The following ZMIZ1 variants were observed in gnomAD, a reference collection of about 807,000 sequenced individuals.
ZMIZ1 encodes the protein zinc finger MIZ-type containing 1, also known as zinc finger MIZ domain-containing protein 1.
Under a neutral mutation model 113.9 loss-of-function variants are expected in ZMIZ1, and 17 were observed. That is an observed-to-expected ratio of 0.15 (90% confidence interval 0.10 to 0.22). The LOEUF (loss-of-function observed/expected upper bound fraction) is 0.22. ZMIZ1 is among the 10% of genes least tolerant of loss of function. The probability of loss-of-function intolerance (pLI) is 1.00; values close to 1 mark genes in which losing one functional copy is unlikely to be tolerated. For synonymous variants in ZMIZ1, 607 were observed against 603.1 expected, an observed-to-expected ratio of 1.01 and a Z score of -0.09; for missense variants, 1,059 against 1,477.8, an observed-to-expected ratio of 0.72 and a Z score of 4.65.
At chr10:79,269,677 C>T (rs911995365) in intron 7 of ZMIZ1, among the ~76,000 whole-genome samples, 1 of 152,158 alleles carries the variant, frequency 6.6e-6, no homozygotes, top group African/African-American at 2.4e-5. Flanking sequence ...CCCTGCACCC[C>T]ACTGCTGCTG....
At chr10:79,243,325 G>T (rs897175235) in intron 7 of ZMIZ1, among the ~76,000 whole-genome samples, 1 of 149,948 alleles carries the variant, frequency 6.7e-6, no homozygotes, top group African/African-American at 2.4e-5. Context: ...GCTTGCGCCC[G>T]GGCGCGCGGC....
rs138917839 is a variant in ZMIZ1 at position 79,155,714 on chromosome 10, G to A, written c.-130-6339G>A. ...GGACAGGGAGCAAGGCCTTGGAGAG[G>A]CCCCCAGGGATGTGTGCATGTGCCT... On this transcript the variant is annotated intron_variant, in intron 3 of 24. Transcript: ENST00000334512. Among the ~76,000 whole-genome samples the A allele has an allele frequency of 6.2e-4, 95 of 152,350 alleles. 2 individuals are homozygous for A. The South Asian group carries it at 0.016, about 25-fold the overall frequency.
At chr10:79,131,809 C>T (rs549879723) in intron 2 of ZMIZ1, among the ~76,000 whole-genome samples, 2 of 149,922 alleles carry the variant, frequency 1.3e-5, no homozygotes, top group African/African-American at 5.0e-5. Flanking sequence ...TCTGGTGGAA[C>T]AATCATAGTG....
At chr10:79,084,561 T>G (rs1842750433) in intron 1 of ZMIZ1, among the ~76,000 whole-genome samples, 1 of 152,184 alleles carries the variant, frequency 6.6e-6, no homozygotes, top group African/African-American at 2.4e-5. Context: ...TCGGACAGGC[T>G]CTTTCCCATC....
chr10:79,305,328 C>T, intron 20 of ZMIZ1, 97 bp downstream of exon 20: 1 of 1,437,350 alleles, frequency 7.0e-7, no homozygotes, highest in Admixed American at 1.7e-5. Context: ...TAAATGCAAA[C>T]CAGAACCCAA....
At chr10:79,134,730 T>A (rs1844921903) in intron 2 of ZMIZ1, among the ~76,000 whole-genome samples, 1 of 152,070 alleles carries the variant, frequency 6.6e-6, no homozygotes, top group South Asian at 2.1e-4. Flanking sequence ...AGGAAAAAAA[T>A]ATAATTAATA....
rs1020547185 is a variant in ZMIZ1, at chr10:79,290,783, C to T, written c.541-176C>T. Reference sequence around the variant, plus strand: ...TCCCCCACGCCACCTGCCGCCCAGGCCCGCTCCTTATCACCGGTACACTCA... The same window carrying T: ...TCCCCCACGCCACCTGCCGCCCAGGTCCGCTCCTTATCACCGGTACACTCA... On this transcript the variant is annotated intron_variant, in intron 9 of 24. Coordinates refer to ENST00000334512, the MANE Select transcript of ZMIZ1 (RefSeq NM_020338.4). The T allele has an allele frequency of 1.4e-5, 11 of 776,688 alleles. No individual in the cohort carries two copies. The Middle Eastern group carries it at 8.8e-4, about 62-fold the overall frequency. The allele number at this position is 776,688 out of a possible 1,614,324, so 48.1% of individuals were successfully genotyped here. A position where few individuals can be genotyped will look rare whatever the true frequency, so the allele number is the denominator to read the frequency against.
intron 1 of ZMIZ1, among the ~76,000 whole-genome samples, chr10:79,074,253 C>T (rs7077121): frequency 6.6e-6 from 1 of 152,208 alleles, no homozygotes; most frequent in African/African-American, 2.4e-5. Flanking sequence ...TGCGCTGCCT[C>T]CTTTCCAGTC....
chr10:79,225,070 C>G (rs780090651), intron 7 of ZMIZ1, among the ~76,000 whole-genome samples: 3 of 152,066 alleles, frequency 2.0e-5, no homozygotes, highest in Non-Finnish European at 4.4e-5. Context: ...GGTCGGGGAG[C>G]AGGTGGATGA....
intron 11 of ZMIZ1, chr10:79,292,914 G>A: frequency 6.5e-6 from 3 of 463,452 alleles, no homozygotes; most frequent in South Asian, 3.1e-5. Flanking sequence ...AAGCTGGGCT[G>A]AGGCCAACTT....
At chr10:79,262,808 C>T (rs1224845078) in intron 7 of ZMIZ1, among the ~76,000 whole-genome samples, 1 of 152,192 alleles carries the variant, frequency 6.6e-6, no homozygotes, top group Admixed American at 6.5e-5. Context: ...TGAATGGAGA[C>T]CAGTCTGGTG....
chr10:79,274,064 G>A (rs1852112934), intron 7 of ZMIZ1, among the ~76,000 whole-genome samples: 1 of 151,692 alleles, frequency 6.6e-6, no homozygotes, highest in Non-Finnish European at 1.5e-5. Context: ...GGCCTTTGGG[G>A]CCAGCTCTCT....
intron 1 of ZMIZ1, among the ~76,000 whole-genome samples, chr10:79,090,850 G>T (rs1284371829): frequency 6.6e-6 from 1 of 152,222 alleles, no homozygotes; most frequent in Non-Finnish European, 1.5e-5. Flanking sequence ...GGCCATGCCG[G>T]GTTTGACAGC....
intron 5 of ZMIZ1, among the ~76,000 whole-genome samples, chr10:79,203,517 C>T (rs568555141): frequency 2.0e-5 from 3 of 152,306 alleles, no homozygotes; most frequent in Non-Finnish European, 4.4e-5. Flanking sequence ...ACCCTTGGCT[C>T]AGCTGGCAGG....
At chr10:79,290,782 G>A in intron 9 of ZMIZ1, 177 bp from the exon 10 acceptor site, 1 of 772,436 alleles carries the variant, frequency 1.3e-6, no homozygotes, top group Non-Finnish European at 2.2e-6. Flanking sequence ...TGCCGCCCAG[G>A]CCCGCTCCTT....
At chr10:79,157,536 T>C (rs1375881226) in intron 3 of ZMIZ1, among the ~76,000 whole-genome samples, 1 of 152,008 alleles carries the variant, frequency 6.6e-6, no homozygotes, top group Non-Finnish European at 1.5e-5. Context: ...CTCCGGCCAA[T>C]GTCCAGCTCA....
chr10:79,070,871 C>T (rs1048345215), intron 1 of ZMIZ1, among the ~76,000 whole-genome samples: 16 of 151,558 alleles, frequency 1.1e-4, no homozygotes, highest in Non-Finnish European at 2.2e-4. Context: ...TGCTCCTTCC[C>T]CCGCGCGCTC....
intron 7 of ZMIZ1, among the ~76,000 whole-genome samples, chr10:79,241,141 T>C (rs72818233): frequency 0.12 from 18,688 of 152,148 alleles, 1,490 homozygotes; most frequent in East Asian, 0.23. Flanking sequence ...GTTGACATTG[T>C]TAAAAACCAG....
chr10:79,106,707 C>T (rs1011725217), intron 1 of ZMIZ1, among the ~76,000 whole-genome samples: 2 of 152,236 alleles, frequency 1.3e-5, no homozygotes, highest in Non-Finnish European at 2.9e-5. Context: ...TCATTCCATA[C>T]CCACTCCCTG....
Sources: gnomAD v4.1 joint callset for allele counts (sites outside exome capture counted in the v4.1 genomes callset) on GRCh38, gnomAD v4.1.1 for gene constraint, MANE v1.5 for transcripts, NCBI Gene and HGNC (gene_info 2026-07-23, HGNC 2026-07-21) for gene names.